SF3B1: variants seen among roughly 807,000 people sequenced by gnomAD.
SF3B1 encodes the protein splicing factor 3b subunit 1.
A neutral mutation model predicts 153.8 loss-of-function variants in SF3B1; 12 were observed. The observed-to-expected ratio is 0.08, with a 90% CI of 0.05 to 0.13. The LOEUF is 0.13. SF3B1 is among the 10% of genes least tolerant of loss of function. SF3B1 has a pLI of 1.00. For synonymous variants in SF3B1, 498 were observed against 525.2 expected, an observed-to-expected ratio of 0.95 and a Z score of 0.71; for missense variants, 513 against 1,606.1, an observed-to-expected ratio of 0.32 and a Z score of 11.63.
chr2:197,411,671 CA>C (rs776789273), intron 6 of SF3B1, among the ~76,000 whole-genome samples: 38 of 126,948 alleles, frequency 3.0e-4, no homozygotes, highest in Admixed American at 3.2e-4. Context: ...GACCCCGTCT[CA>C]AAAAAAAAAA....
At chr2:197,412,521 A>G (rs1418173341) in intron 6 of SF3B1, among the ~76,000 whole-genome samples, 2 of 151,032 alleles carry the variant, frequency 1.3e-5, no homozygotes, top group African/African-American at 4.9e-5. Context: ...ACACCTGGCT[A>G]ATTTTTTGTA....
intron 6 of SF3B1, among the ~76,000 whole-genome samples, chr2:197,412,976 A>T (rs2085093880): frequency 6.6e-6 from 1 of 150,444 alleles, no homozygotes; most frequent in African/African-American, 2.4e-5. Context: ...GTCTCAAAAA[A>T]AAAAAAAAAA....
rs375538837 is a variant in SF3B1, at chr2:197,404,976, C to T, written c.1539+100G>A. 1,731 of 782,606 alleles carry T rather than the reference C, an allele frequency of 2.2e-3. 52 individuals carry two copies. In the South Asian group the frequency reaches 0.028, roughly 13 times the overall value. 48.5% of individuals were successfully genotyped at this position (782,606 alleles called of 1,614,324 possible). On this transcript the variant is annotated intron_variant, in intron 11 of 24. Transcript: ENST00000335508. ...AGCAGGAGGATCACTTGAGACCAGC[C>T]TGGGCAACATGGCAAAACCCTGTCT...
At chr2:197,421,563 C>T (rs988475110) in intron 2 of SF3B1, among the ~76,000 whole-genome samples, 2 of 152,048 alleles carry the variant, frequency 1.3e-5, no homozygotes, top group African/African-American at 4.8e-5. Context: ...TTATTTGCCC[C>T]TAGTAGTATG....
At chr2:197,403,132 T>C (rs1435853405) in intron 12 of SF3B1, 97 bp from the exon 13 acceptor site, 6 of 907,958 alleles carry the variant, frequency 6.6e-6, no homozygotes, top group East Asian at 5.2e-5. Flanking sequence ...TTTAGAATTA[T>C]CAGGACTTTT....
At chr2:197,392,583 A>T (rs1342232273) in intron 24 of SF3B1, 122 bp from the exon 25 acceptor site, 2 of 343,618 alleles carry the variant, frequency 5.8e-6, no homozygotes, top group Non-Finnish European at 1.0e-5. Flanking sequence ...GGGGGGGGGA[A>T]CCTACTAATT....
At chr2:197,398,225 T>C in intron 21 of SF3B1, 109 bp from the exon 22 acceptor site, 2 of 977,776 alleles carry the variant, frequency 2.0e-6, no homozygotes. Flanking sequence ...AAGCATTAAA[T>C]AAAACTTACT....
intron 7 of SF3B1, 46 bp downstream of exon 7, chr2:197,409,724 T>G: frequency 7.1e-7 from 1 of 1,404,296 alleles, no homozygotes; most frequent in Non-Finnish European, 1.0e-6. Context: ...TCTGTAAACA[T>G]ATCACTCAAC....
chr2:197,433,852 T>A (rs2085480427), intron 1 of SF3B1, among the ~76,000 whole-genome samples: 1 of 152,206 alleles, frequency 6.6e-6, no homozygotes, highest in African/African-American at 2.4e-5. Flanking sequence ...CCTTCCCGAT[T>A]TAAAACTGAC....
intron 1 of SF3B1, among the ~76,000 whole-genome samples, chr2:197,425,749 A>C (rs2085325124): frequency 6.6e-6 from 1 of 151,820 alleles, no homozygotes; most frequent in Non-Finnish European, 1.5e-5. Flanking sequence ...CATGTCATCC[A>C]AACACTTTGG....
chr2:197,429,970 A>G (rs2085401663), intron 1 of SF3B1, among the ~76,000 whole-genome samples: 1 of 152,120 alleles, frequency 6.6e-6, no homozygotes, highest in Non-Finnish European at 1.5e-5. Flanking sequence ...ACTTTCCCCA[A>G]TTCCTCCAGA....
intron 23 of SF3B1, among the ~76,000 whole-genome samples, chr2:197,395,154 T>G (rs2084861694): frequency 6.6e-6 from 1 of 152,232 alleles, no homozygotes; most frequent in African/African-American, 2.4e-5. Flanking sequence ...AGTTTTTAAC[T>G]GCAGGTGACA....
rs759803863 is a variant in SF3B1 at position 197,408,621 on chromosome 2, A to G, written c.905-40T>C. ...AGTGAGTAAAACCACAATTTTAATC[A>G]CTGTTAAAATAATATTCTTTATTCT... On this transcript the variant is annotated intron_variant, in intron 7 of 24. Transcript: ENST00000335508. The G allele has an allele frequency of 4.0e-6, 5 of 1,259,266 alleles. No homozygotes were observed. The Admixed American group carries it at 8.4e-5, about 21-fold the overall frequency. 78.0% of individuals were successfully genotyped at this position (1,259,266 alleles called of 1,614,324 possible).
Position 197,401,730 on chromosome 2 carries a change from T to C in SF3B1, c.2370+12A>G. ...CATATCCAGTTTACATTAACAAATCTGGAATAATTACCTTCAGCACAATTT... is the reference window on the plus strand; with the variant it reads ...CATATCCAGTTTACATTAACAAATCCGGAATAATTACCTTCAGCACAATTT... On this transcript the variant is annotated intron_variant, in intron 16 of 24. Transcript: ENST00000335508. This position sits in a 1 kb window ranked among gnomAD's most constrained non-coding sequence, Gnocchi z 4.2. 2 of 1,604,068 alleles carry C rather than the reference T, an allele frequency of 1.2e-6. No homozygotes were observed. Among genetic ancestry groups the C allele is most frequent in the Non-Finnish European group, 8.5e-7 (1 of 1,176,542 alleles).
intron 2 of SF3B1, among the ~76,000 whole-genome samples, 176 bp downstream of exon 2, chr2:197,423,632 C>A (rs1208475831): frequency 2.0e-5 from 3 of 152,160 alleles, no homozygotes; most frequent in African/African-American, 4.8e-5. Context: ...ATTCTCAGAA[C>A]AAAGCATTTC....
chr2:197,434,297 T>C (rs1209612679), intron 1 of SF3B1, among the ~76,000 whole-genome samples: 3 of 152,180 alleles, frequency 2.0e-5, no homozygotes, highest in Admixed American at 1.3e-4. Flanking sequence ...CTGTATTCCA[T>C]AAAACGATCA....
chr2:197,432,727 T>A (rs1657771464), intron 1 of SF3B1, among the ~76,000 whole-genome samples: 1 of 151,990 alleles, frequency 6.6e-6, no homozygotes, highest in African/African-American at 2.4e-5. Flanking sequence ...ATTAGTCGGG[T>A]GTGGTGGCAC....
chr2:197,408,937 A>C (rs2085028793), intron 7 of SF3B1, among the ~76,000 whole-genome samples: 2 of 152,154 alleles, frequency 1.3e-5, no homozygotes, highest in African/African-American at 2.4e-5. Context: ...ACAACAACAA[A>C]AAAAGTAAAT....
Position 197,402,231 on chromosome 2 carries a change from A to T in SF3B1, c.2078-101T>A. On this transcript the variant is annotated intron_variant, in intron 14 of 24. Coordinates refer to ENST00000335508, the MANE Select transcript of SF3B1 (RefSeq NM_012433.4). This position sits in a 1 kb window ranked among gnomAD's most constrained non-coding sequence, Gnocchi z 4.6. ...TATATCAACTATTCAGCCAAACTGCAGAATATGTTCACATTAAACAAAATT... is the reference window on the plus strand; with the variant it reads ...TATATCAACTATTCAGCCAAACTGCTGAATATGTTCACATTAAACAAAATT... The T allele has an allele frequency of 7.2e-7, 1 of 1,386,788 alleles. No homozygotes were observed. Among genetic ancestry groups the T allele is most frequent in the Non-Finnish European group, 9.8e-7 (1 of 1,025,326 alleles). 85.9% of individuals were successfully genotyped at this position (1,386,788 alleles called of 1,614,324 possible).
Sources: allele counts gnomAD v4.1 joint callset (sites outside exome capture counted in the v4.1 genomes callset), GRCh38; gene constraint gnomAD v4.1.1; non-coding constraint Gnocchi (gnomAD v3.1); transcripts MANE v1.5; gene names NCBI Gene and HGNC (gene_info 2026-07-23, HGNC 2026-07-21).